Variants in SEMA6D observed in about 807,000 individuals in gnomAD.
The protein encoded by SEMA6D is semaphorin 6D, also known as semaphorin-6D.
Under a neutral mutation model 106.6 loss-of-function variants are expected in SEMA6D, and 35 were observed. That is an observed-to-expected ratio of 0.33 (90% confidence interval 0.25 to 0.44). The LOEUF (loss-of-function observed/expected upper bound fraction) is 0.44, where lower values mean the gene tolerates loss of function less well. SEMA6D is among the 20% of genes least tolerant of loss of function. SEMA6D has a pLI of 1.00. For synonymous variants in SEMA6D, 499 were observed against 487.7 expected, an observed-to-expected ratio of 1.02 and a Z score of -0.31; for missense variants, 1,185 against 1,345.9, an observed-to-expected ratio of 0.88 and a Z score of 1.87.
chr15:47,447,003 C>G (rs1234296020), intron 2 of SEMA6D, among the ~76,000 whole-genome samples: 3 of 152,110 alleles, frequency 2.0e-5, no homozygotes, highest in Non-Finnish European at 2.9e-5. Context: ...CTTCCTAGGT[C>G]TTTTCCTTGC....
At chr15:47,202,836 A>G (rs1001485372) in intron 1 of SEMA6D, among the ~76,000 whole-genome samples, 9 of 152,224 alleles carry the variant, frequency 5.9e-5, no homozygotes, top group Middle Eastern at 3.4e-3. Flanking sequence ...GCTGGTAACA[A>G]TTACACTTCT....
intron 2 of SEMA6D, among the ~76,000 whole-genome samples, chr15:47,432,547 G>GTGTGTATACATATACGCATA (rs2041567355): frequency 3.2e-5 from 2 of 61,648 alleles, no homozygotes; most frequent in Non-Finnish European, 7.4e-5. Flanking sequence ...TATGTGTTAT[G>GTGTGTATACATATACGCATA]TGTATATACA....
At chr15:47,558,732 A>G (rs1476143326) in intron 3 of SEMA6D, among the ~76,000 whole-genome samples, 1 of 152,138 alleles carries the variant, frequency 6.6e-6, no homozygotes, top group Non-Finnish European at 1.5e-5. Flanking sequence ...AAATAATAAC[A>G]GCTTTGCTTC....
chr15:47,743,317 C>T (rs981896267), intron 1 of SEMA6D, among the ~76,000 whole-genome samples: 2 of 151,938 alleles, frequency 1.3e-5, no homozygotes, highest in African/African-American at 2.4e-5. Context: ...TACTGGTGAT[C>T]GTGGATGACC....
At chr15:47,625,261 A>C (rs905690474) in intron 4 of SEMA6D, among the ~76,000 whole-genome samples, 2 of 152,150 alleles carry the variant, frequency 1.3e-5, no homozygotes, top group Non-Finnish European at 2.9e-5. Flanking sequence ...ATGCTATGAT[A>C]ATTGTTAAGG....
At chr15:47,564,682 C>T (rs1480380128) in intron 3 of SEMA6D, among the ~76,000 whole-genome samples, 1 of 152,086 alleles carries the variant, frequency 6.6e-6, no homozygotes, top group African/African-American at 2.4e-5. Context: ...GGGCGGGATC[C>T]CTGGTGAAAC....
At chr15:47,219,299 G>A (rs575787299) in intron 1 of SEMA6D, among the ~76,000 whole-genome samples, 3 of 152,282 alleles carry the variant, frequency 2.0e-5, no homozygotes, top group African/African-American at 4.8e-5. Flanking sequence ...ATGGACCATG[G>A]ATCCTGAGAT....
intron 3 of SEMA6D, among the ~76,000 whole-genome samples, chr15:47,597,687 T>C (rs939655066): frequency 1.3e-5 from 2 of 150,954 alleles, no homozygotes; most frequent in African/African-American, 4.9e-5. Flanking sequence ...AAGCAGAGAG[T>C]AGATTAGTGA....
intron 2 of SEMA6D, among the ~76,000 whole-genome samples, chr15:47,468,887 C>T (rs1390838620): frequency 6.6e-6 from 1 of 152,130 alleles, no homozygotes; most frequent in Non-Finnish European, 1.5e-5. Context: ...AGAATGATTT[C>T]CAAGACCAAT....
intron 2 of SEMA6D, among the ~76,000 whole-genome samples, chr15:47,432,938 T>C (rs1437928549): frequency 6.6e-6 from 1 of 152,100 alleles, no homozygotes; most frequent in Non-Finnish European, 1.5e-5. Context: ...TTAATGAGCT[T>C]TTTTCTTCTT....
At chr15:47,534,304 C>T (rs183126720) in intron 3 of SEMA6D, among the ~76,000 whole-genome samples, 2 of 152,174 alleles carry the variant, frequency 1.3e-5, no homozygotes, top group East Asian at 3.9e-4. Flanking sequence ...GATTCTCGTG[C>T]CGCAGCCTCC....
At chr15:47,207,330 C>A (rs1895139811) in intron 1 of SEMA6D, among the ~76,000 whole-genome samples, 1 of 152,118 alleles carries the variant, frequency 6.6e-6, no homozygotes, top group Non-Finnish European at 1.5e-5. Context: ...GGTAAAGAAG[C>A]CCTCCTGCTA....
chr15:47,348,727 C>CACACAGAGAGAGAGAG (rs1450109233), intron 1 of SEMA6D, among the ~76,000 whole-genome samples: 1 of 57,054 alleles, frequency 1.8e-5, no homozygotes, highest in Non-Finnish European at 4.0e-5. Context: ...ACCACACACA[C>CACACAGAGAGAGAGAG]AGAGAGAGAG....
intron 1 of SEMA6D, among the ~76,000 whole-genome samples, chr15:47,259,854 T>G (rs2142061341): frequency 6.6e-6 from 1 of 152,228 alleles, no homozygotes; most frequent in Non-Finnish European, 1.5e-5. Context: ...CCAAAGGCTG[T>G]GATTTTTTTT....
intron 1 of SEMA6D, among the ~76,000 whole-genome samples, chr15:47,380,215 C>G (rs2039590150): frequency 2.0e-5 from 3 of 152,168 alleles, no homozygotes; most frequent in African/African-American, 7.2e-5. Flanking sequence ...TAACTTCAAA[C>G]CTATAAACAT....
chr15:47,246,124 A>G (rs1053746964), intron 1 of SEMA6D, among the ~76,000 whole-genome samples: 1 of 152,154 alleles, frequency 6.6e-6, no homozygotes, highest in Non-Finnish European at 1.5e-5. Context: ...CCTAGCAGGG[A>G]ACAAATTTAC....
intron 3 of SEMA6D, among the ~76,000 whole-genome samples, chr15:47,478,664 A>C (rs2043065234): frequency 2.6e-5 from 4 of 152,202 alleles, no homozygotes; most frequent in African/African-American, 9.6e-5. Flanking sequence ...TGGCTTAGTC[A>C]GAACTTTAGC....
rs534170069 is a variant in SEMA6D, at chr15:47,399,587, T to G, written c.-238-12806T>G. On this transcript the variant is annotated intron_variant, in intron 1 of 19. Transcript: ENST00000558014. ...TTTTGGTGGCTTAAGAATATGACCTTCCACAATTATTACTTGCCATTGTCA... is the reference window on the plus strand; with the variant it reads ...TTTTGGTGGCTTAAGAATATGACCTGCCACAATTATTACTTGCCATTGTCA... The G allele has an allele frequency of 3.9e-5, 6 of 152,338 alleles. No individual in the cohort carries two copies. The East Asian group carries it at 9.7e-4, about 25-fold the overall frequency. The allele number at this position is 152,338 out of a possible 1,614,324, so 9.4% of individuals were successfully genotyped here.
intron 3 of SEMA6D, among the ~76,000 whole-genome samples, chr15:47,482,805 T>G (rs1326998293): frequency 6.6e-6 from 1 of 152,106 alleles, no homozygotes; most frequent in Non-Finnish European, 1.5e-5. Flanking sequence ...ATCCATTAGA[T>G]CTATGTTAAT....
Sources: gnomAD v4.1 joint callset for allele counts (sites outside exome capture counted in the v4.1 genomes callset) on GRCh38, gnomAD v4.1.1 for gene constraint, MANE v1.5 for transcripts, NCBI Gene and HGNC (gene_info 2026-07-23, HGNC 2026-07-21) for gene names.